The following TAX1BP1 variants were observed in gnomAD, a reference collection of about 807,000 sequenced individuals.
TAX1BP1 encodes the protein Tax1 binding protein 1, also known as tax1-binding protein 1.
In TAX1BP1, 62 loss-of-function variants were observed where a neutral mutation model predicts 97.7. The ratio of observed to expected loss-of-function variants is 0.63; its 90% CI spans 0.52 to 0.78. The LOEUF is 0.78. Ranked by LOEUF, TAX1BP1 falls within the 30% of genes least tolerant of loss-of-function variation. The pLI is 0.00. For missense variants in TAX1BP1, 867 were observed against 916.1 expected, an observed-to-expected ratio of 0.95 and a Z score of 0.69; for synonymous variants, 340 against 304.2, an observed-to-expected ratio of 1.12 and a Z score of -1.23.
At chr7:27,777,021 A>G (rs112428639) in intron 5 of TAX1BP1, among the ~76,000 whole-genome samples, 206 of 151,914 alleles carry the variant, frequency 1.4e-3, no homozygotes, top group African/African-American at 4.8e-3. Context: ...TCATGTTTCT[A>G]TGTGTTTACT....
intron 3 of TAX1BP1, 94 bp from the exon 4 acceptor site, chr7:27,765,740 G>A: frequency 9.3e-7 from 1 of 1,075,468 alleles, no homozygotes; most frequent in East Asian, 2.5e-5. Context: ...CAAGAACAGT[G>A]TGGGGAATGA....
chr7:27,751,858 G>T (rs1788030284), intron 2 of TAX1BP1, among the ~76,000 whole-genome samples: 1 of 151,924 alleles, frequency 6.6e-6, no homozygotes, highest in South Asian at 2.1e-4. Context: ...TTGCCATGTT[G>T]CCCGGGCTGG....
chr7:27,816,853 C>A, intron 14 of TAX1BP1, 37 bp from the exon 15 acceptor site: 1 of 1,611,328 alleles, frequency 6.2e-7, no homozygotes, highest in East Asian at 2.2e-5. Context: ...GTTGTAGTAA[C>A]CAGTTTCACT....
intron 11 of TAX1BP1, among the ~76,000 whole-genome samples, chr7:27,795,233 C>A (rs1295647500): frequency 2.0e-5 from 3 of 151,976 alleles, no homozygotes; most frequent in Non-Finnish European, 4.4e-5. Context: ...TCCATGTATC[C>A]TCTGTAGTAC....
chr7:27,792,926 T>C, intron 9 of TAX1BP1, 140 bp from the exon 10 acceptor site: 1 of 685,388 alleles, frequency 1.5e-6, no homozygotes, highest in Non-Finnish European at 2.3e-6. Flanking sequence ...TGGGCCACTG[T>C]GTTTCAGCCT....
chr7:27,820,805 AT>A (rs1790944975), intron 15 of TAX1BP1, among the ~76,000 whole-genome samples: 1 of 152,238 alleles, frequency 6.6e-6, no homozygotes, highest in South Asian at 2.1e-4. Context: ...AGTTTCTTAG[AT>A]ATGACACCAA....
chr7:27,804,858 T>C (rs12375192), intron 13 of TAX1BP1, among the ~76,000 whole-genome samples: 194 of 152,338 alleles, frequency 1.3e-3, no homozygotes, highest in African/African-American at 4.1e-3. Context: ...ATAGAAATCC[T>C]CCATCTTTTT....
chr7:27,758,698 C>T (rs58314651), intron 3 of TAX1BP1, among the ~76,000 whole-genome samples: 34,491 of 151,836 alleles, frequency 0.23, 4,998 homozygotes, highest in East Asian at 0.52. Flanking sequence ...GTTAAATAAG[C>T]CAATCACAAA....
chr7:27,778,804 G>GTT (rs1442035389), intron 5 of TAX1BP1, among the ~76,000 whole-genome samples: 3 of 151,350 alleles, frequency 2.0e-5, no homozygotes, highest in Admixed American at 2.0e-4. Context: ...GGAGGTTGCA[G>GTT]TGAGCCAAGA....
intron 13 of TAX1BP1, among the ~76,000 whole-genome samples, chr7:27,810,432 G>A (rs1232968742): frequency 2.0e-5 from 3 of 152,022 alleles, no homozygotes; most frequent in African/African-American, 7.2e-5. Context: ...AGGGTTATTA[G>A]TGCTGATCTG....
chr7:27,774,919 A>G (rs1194582698), intron 5 of TAX1BP1, among the ~76,000 whole-genome samples: 9 of 152,172 alleles, frequency 5.9e-5, no homozygotes, highest in African/African-American at 1.9e-4. Flanking sequence ...TAGCGATCAC[A>G]TAACTGTGCC....
intron 15 of TAX1BP1, among the ~76,000 whole-genome samples, chr7:27,822,759 C>T (rs189014428): frequency 2.6e-5 from 4 of 152,270 alleles, no homozygotes; most frequent in Non-Finnish European, 4.4e-5. Context: ...TTCACTTTTA[C>T]GATGGTGCTC....
chr7:27,798,283 G>A (rs1009928204), intron 12 of TAX1BP1, among the ~76,000 whole-genome samples: 2 of 151,966 alleles, frequency 1.3e-5, no homozygotes, highest in African/African-American at 4.8e-5. Context: ...TTTAGAAGTT[G>A]TTTATGGACA....
chr7:27,803,054 G>A, intron 13 of TAX1BP1: 3 of 1,499,910 alleles, frequency 2.0e-6, no homozygotes, highest in Non-Finnish European at 1.8e-6. Flanking sequence ...TCTCAAAGTT[G>A]CAAGGAGGGA....
intron 1 of TAX1BP1, among the ~76,000 whole-genome samples, chr7:27,743,587 C>T (rs1232379060): frequency 1.4e-4 from 22 of 152,082 alleles, no homozygotes; most frequent in Admixed American, 1.4e-3. Context: ...TCTTTATTTG[C>T]TTTGGTTTTA....
At chr7:27,747,690 C>G (rs1423380089) in intron 1 of TAX1BP1, among the ~76,000 whole-genome samples, 3 of 151,982 alleles carry the variant, frequency 2.0e-5, no homozygotes, top group Non-Finnish European at 4.4e-5. Flanking sequence ...GGTCTGGGAT[C>G]TGTGGAAATG....
intron 5 of TAX1BP1, among the ~76,000 whole-genome samples, chr7:27,783,476 G>T (rs1789342961): frequency 6.6e-6 from 1 of 152,172 alleles, no homozygotes; most frequent in African/African-American, 2.4e-5. Context: ...ATGCTGGGAA[G>T]CTATCAGGTG....
chr7:27,770,608 G>A (rs1360046045), intron 5 of TAX1BP1, among the ~76,000 whole-genome samples: 1 of 151,956 alleles, frequency 6.6e-6, no homozygotes, highest in East Asian at 1.9e-4. Context: ...TTATCCTTTT[G>A]TCCAACAAGG....
At chr7:27,756,176 G>A (rs1788204876) in intron 2 of TAX1BP1, among the ~76,000 whole-genome samples, 2 of 152,030 alleles carry the variant, frequency 1.3e-5, no homozygotes, top group South Asian at 4.1e-4. Context: ...CATCTTTTGT[G>A]TTCCTTCCAG....
Sources: gnomAD v4.1 joint callset for allele counts (sites outside exome capture counted in the v4.1 genomes callset) on GRCh38, gnomAD v4.1.1 for gene constraint, MANE v1.5 for transcripts, NCBI Gene and HGNC (gene_info 2026-07-23, HGNC 2026-07-21) for gene names.